Variants in DLG2 observed in about 807,000 individuals in gnomAD.
The protein encoded by DLG2 is discs large MAGUK scaffold protein 2.
A neutral mutation model predicts 132.5 loss-of-function variants in DLG2; 45 were observed. That is an observed-to-expected ratio of 0.34 (90% CI 0.27 to 0.44). The LOEUF is 0.44. Among genes scored for constraint, DLG2 ranks in the 20% least tolerant of loss-of-function variants. DLG2 has a pLI of 1.00. For missense variants in DLG2, 1,045 were observed against 1,196.9 expected (o/e 0.87, Z 1.87); for synonymous variants, 424 against 419.6 (o/e 1.01, Z -0.13).
intron 4 of DLG2, among the ~76,000 whole-genome samples, chr11:85,208,704 T>C (rs925597649): frequency 1.1e-4 from 17 of 152,248 alleles, no homozygotes; most frequent in Non-Finnish European, 2.2e-4. Context: ...GGACTAATAT[T>C]ATTAACATTA....
Position 85,342,328 on chromosome 11 carries a change from CT to C in DLG2, c.41-56964del, listed in dbSNP as rs1417406795. Among the ~76,000 whole-genome samples, 6 of 150,292 alleles carry C rather than the reference CT, an allele frequency of 4.0e-5. No individual in the cohort carries two copies. The East Asian group carries it at 9.9e-4, about 25-fold the overall frequency. Reference sequence around the variant, plus strand: ...ACCAATTTTTTTTTTACTTTTTAAACTTTTTTTGTTAAAAACTAAGACACAA... The same window carrying C: ...ACCAATTTTTTTTTTACTTTTTAAACTTTTTTGTTAAAAACTAAGACACAA... On this transcript the variant is annotated intron_variant, in intron 3 of 27. Coordinates refer to ENST00000376104, the MANE Select transcript of DLG2 (RefSeq NM_001142699.3).
chr11:83,968,238 A>G (rs2090623070), intron 12 of DLG2, among the ~76,000 whole-genome samples: 1 of 152,166 alleles, frequency 6.6e-6, no homozygotes, highest in East Asian at 1.9e-4. Flanking sequence ...CCATGTTGCT[A>G]TGTAAGTTCC....
intron 11 of DLG2, among the ~76,000 whole-genome samples, chr11:84,017,192 G>A (rs759933059): frequency 1.3e-5 from 2 of 151,972 alleles, no homozygotes; most frequent in Non-Finnish European, 2.9e-5. Context: ...ATTTTAAAAA[G>A]GGGTATTTTT....
At chr11:85,125,604 T>TTTA (rs1184975037) in intron 5 of DLG2, among the ~76,000 whole-genome samples, 1 of 152,146 alleles carries the variant, frequency 6.6e-6, no homozygotes, top group Non-Finnish European at 1.5e-5. Context: ...ATAATAACTT[T>TTTA]GTTGTGATTC....
chr11:84,490,009 T>C (rs1214116942), intron 7 of DLG2, among the ~76,000 whole-genome samples: 1 of 152,044 alleles, frequency 6.6e-6, no homozygotes, highest in Non-Finnish European at 1.5e-5. Flanking sequence ...TTTTCAGAAG[T>C]GTTTGAATGA....
rs542571485 is a variant in DLG2, at chr11:85,082,256, T to A, written c.357+29405A>T. 1.8e-3 allele frequency among the ~76,000 whole-genome samples: 271 copies of A among 152,224 alleles called. 1 individual carries two copies. The highest frequency in any genetic ancestry group is 5.2e-3 in the African/African-American group (215 of 41,540). ...TACTGGAGGAAAATACTGCTTTTTT[T>A]AAAAAACCTTCAAACTAAAGCATTT... is the stretch of plus-strand genomic sequence containing the variant. On this transcript the variant is annotated intron_variant, in intron 6 of 27. Coordinates refer to ENST00000376104, the MANE Select transcript of DLG2 (RefSeq NM_001142699.3).
chr11:84,560,455 GA>G (rs1192152213), intron 6 of DLG2, among the ~76,000 whole-genome samples: 8 of 152,088 alleles, frequency 5.3e-5, no homozygotes, highest in African/African-American at 1.9e-4. Flanking sequence ...GGAAGTAGAA[GA>G]ACTTAATTTT....
At chr11:85,126,715 T>C (rs1309232074) in intron 5 of DLG2, among the ~76,000 whole-genome samples, 1 of 152,088 alleles carries the variant, frequency 6.6e-6, no homozygotes, top group Admixed American at 6.5e-5. Flanking sequence ...ATTGGCAGGA[T>C]AAATACAAGA....
intron 6 of DLG2, among the ~76,000 whole-genome samples, chr11:84,990,895 C>G (rs2038139531): frequency 6.6e-6 from 1 of 152,068 alleles, no homozygotes; most frequent in African/African-American, 2.4e-5. Context: ...AAATGAAAAC[C>G]TATATTCACA....
chr11:84,363,947 G>T (rs2098666452), intron 7 of DLG2, among the ~76,000 whole-genome samples: 1 of 152,158 alleles, frequency 6.6e-6, no homozygotes, highest in Admixed American at 6.5e-5. Context: ...GTAGCATGAT[G>T]CCTCCAGCTT....
At chr11:83,638,287 TA>T (rs1181607218) in intron 18 of DLG2, among the ~76,000 whole-genome samples, 6 of 152,180 alleles carry the variant, frequency 3.9e-5, no homozygotes, top group African/African-American at 1.4e-4. Flanking sequence ...ATGATAATAG[TA>T]AAAAGTGTAC....
At chr11:83,888,877 T>C (rs1281394765) in intron 15 of DLG2, among the ~76,000 whole-genome samples, 2 of 152,236 alleles carry the variant, frequency 1.3e-5, no homozygotes, top group Non-Finnish European at 2.9e-5. Context: ...ATTTAATACA[T>C]GGTGCTGGGA....
At chr11:84,908,608 C>A (rs982778399) in intron 6 of DLG2, among the ~76,000 whole-genome samples, 1 of 151,818 alleles carries the variant, frequency 6.6e-6, no homozygotes, top group Non-Finnish European at 1.5e-5. Context: ...TAACATTGCC[C>A]TTATTTAGAC....
intron 11 of DLG2, among the ~76,000 whole-genome samples, chr11:83,985,568 T>C (rs2093205175): frequency 6.6e-6 from 1 of 152,124 alleles, no homozygotes; most frequent in Non-Finnish European, 1.5e-5. Context: ...CCATGTGTTC[T>C]CATCATTCAG....
chr11:84,070,364 T>C (rs2096738048), intron 10 of DLG2, among the ~76,000 whole-genome samples: 1 of 152,200 alleles, frequency 6.6e-6, no homozygotes, highest in Non-Finnish European at 1.5e-5. Context: ...CCATAGCCCA[T>C]GAAATGTTTC....
intron 18 of DLG2, among the ~76,000 whole-genome samples, chr11:83,671,971 C>G (rs1338537343): frequency 1.3e-5 from 2 of 152,080 alleles, no homozygotes; most frequent in Non-Finnish European, 2.9e-5. Flanking sequence ...CCCTATGTCT[C>G]TTTTTTCTTT....
At chr11:85,304,976 A>C (rs902375633) in intron 3 of DLG2, among the ~76,000 whole-genome samples, 5 of 152,226 alleles carry the variant, frequency 3.3e-5, no homozygotes, top group Admixed American at 2.6e-4. Flanking sequence ...TTCCAGGTAC[A>C]TTCAACTCTA....
At chr11:84,528,205 C>A (rs1045101616) in intron 7 of DLG2, among the ~76,000 whole-genome samples, 11 of 151,974 alleles carry the variant, frequency 7.2e-5, no homozygotes, top group African/African-American at 2.7e-4. Context: ...TTATTATAGG[C>A]CAATTTCTTT....
intron 21 of DLG2, among the ~76,000 whole-genome samples, chr11:83,502,378 C>G (rs1054979590): frequency 1.3e-5 from 2 of 152,144 alleles, no homozygotes; most frequent in African/African-American, 4.8e-5. Context: ...TTACTCTGCT[C>G]TCAGTGGATA....
Sources: allele counts gnomAD v4.1 joint callset (sites outside exome capture counted in the v4.1 genomes callset), GRCh38; gene constraint gnomAD v4.1.1; transcripts MANE v1.5; gene names NCBI Gene and HGNC (gene_info 2026-07-23, HGNC 2026-07-21).